Variants in SSH2 observed in about 807,000 individuals in gnomAD.
SSH2 encodes slingshot protein phosphatase 2.
SSH2 carries 37 observed loss-of-function variants against 135.2 expected under a neutral mutation model. The observed-to-expected ratio is 0.27, with a 90% CI of 0.21 to 0.36. SSH2 has a LOEUF of 0.36. SSH2 is among the 10% of genes least tolerant of loss of function. The pLI is 1.00. For missense variants in SSH2, 1,408 were observed against 1,765.3 expected, an observed-to-expected ratio of 0.80 and a Z score of 3.63; for synonymous variants, 628 against 646.2, an observed-to-expected ratio of 0.97 and a Z score of 0.43.
intron 2 of SSH2, among the ~76,000 whole-genome samples, chr17:29,835,500 C>T (rs535982928): frequency 2.2e-4 from 33 of 152,284 alleles, no homozygotes; most frequent in African/African-American, 5.8e-4. Context: ...TCTGACACTT[C>T]GTAGTCAGGT....
intron 3 of SSH2, among the ~76,000 whole-genome samples, chr17:29,734,891 T>C (rs1276740881): frequency 6.6e-6 from 1 of 152,170 alleles, no homozygotes; most frequent in African/African-American, 2.4e-5. Flanking sequence ...TTCTTTCAGC[T>C]TGGGGAAATC....
At chr17:29,861,623 G>A (rs1336554219) in intron 1 of SSH2, among the ~76,000 whole-genome samples, 1 of 151,958 alleles carries the variant, frequency 6.6e-6, no homozygotes, top group African/African-American at 2.4e-5. Context: ...GAGTGCAGTG[G>A]TGCGATCTCG....
intron 1 of SSH2, among the ~76,000 whole-genome samples, chr17:29,900,050 A>C (rs1045416414): frequency 9.8e-5 from 15 of 152,326 alleles, no homozygotes; most frequent in African/African-American, 2.4e-4. Flanking sequence ...CCTATTTAAT[A>C]AATGGTGCTG....
At chr17:29,924,911 A>G (rs2067038107) in intron 1 of SSH2, among the ~76,000 whole-genome samples, 1 of 152,274 alleles carries the variant, frequency 6.6e-6, no homozygotes, top group East Asian at 1.9e-4. Context: ...CTCCAAAGAG[A>G]GTGTGAGTTC....
At chr17:29,853,231 T>C (rs2065598265) in intron 1 of SSH2, among the ~76,000 whole-genome samples, 1 of 151,364 alleles carries the variant, frequency 6.6e-6, no homozygotes, top group Non-Finnish European at 1.5e-5. Context: ...GGACTACAGG[T>C]GCACACCACA....
chr17:29,873,334 A>G (rs1357911153), intron 1 of SSH2, among the ~76,000 whole-genome samples: 1 of 151,996 alleles, frequency 6.6e-6, no homozygotes, highest in Non-Finnish European at 1.5e-5. Context: ...CTGAGGCAGT[A>G]GATCACCTGA....
intron 11 of SSH2, among the ~76,000 whole-genome samples, chr17:29,658,537 A>G (rs763255138): frequency 6.6e-6 from 1 of 152,094 alleles, no homozygotes; most frequent in African/African-American, 2.4e-5. Flanking sequence ...TGGGCATACA[A>G]AACTTTTATG....
At chr17:29,675,219 A>G (rs950326302) in intron 8 of SSH2, among the ~76,000 whole-genome samples, 1 of 152,202 alleles carries the variant, frequency 6.6e-6, no homozygotes, top group African/African-American at 2.4e-5. Context: ...ACTGCAGGAA[A>G]TGATAAGACT....
chr17:29,749,099 A>C (rs1055640087), intron 3 of SSH2, among the ~76,000 whole-genome samples: 1 of 152,194 alleles, frequency 6.6e-6, no homozygotes, highest in African/African-American at 2.4e-5. Flanking sequence ...GTAAATTAGC[A>C]ATAGTAAGAA....
chr17:29,883,208 G>A (rs963050287), intron 1 of SSH2: 1 of 152,012 alleles, frequency 6.6e-6, no homozygotes, highest in Non-Finnish European at 1.5e-5. Flanking sequence ...ATTAAAAACT[G>A]GTATTAATTT....
intron 3 of SSH2, among the ~76,000 whole-genome samples, chr17:29,757,969 C>T (rs2041183594): frequency 6.6e-6 from 1 of 151,850 alleles, no homozygotes; most frequent in Admixed American, 6.6e-5. Context: ...CTGCTTGAGC[C>T]CAGGAGATCG....
chr17:29,789,504 A>G (rs1371400129), intron 3 of SSH2, among the ~76,000 whole-genome samples: 1 of 152,242 alleles, frequency 6.6e-6, no homozygotes, highest in African/African-American at 2.4e-5. Flanking sequence ...TCCTTCAAGA[A>G]AGGGGAAGAA....
chr17:29,740,435 A>C (rs1253299431), intron 3 of SSH2, among the ~76,000 whole-genome samples: 3 of 136,028 alleles, frequency 2.2e-5, no homozygotes, highest in Non-Finnish European at 4.6e-5. Flanking sequence ...TTTTTCTTTT[A>C]TTTTATTACC....
intron 3 of SSH2, among the ~76,000 whole-genome samples, chr17:29,767,931 A>C (rs565350230): frequency 6.6e-6 from 1 of 152,316 alleles, no homozygotes; most frequent in Non-Finnish European, 1.5e-5. Context: ...ATACATGTGA[A>C]TATACTTGTT....
At chr17:29,638,757 T>C (rs1312128380) in intron 14 of SSH2, among the ~76,000 whole-genome samples, 1 of 152,072 alleles carries the variant, frequency 6.6e-6, no homozygotes, top group Non-Finnish European at 1.5e-5. Context: ...GGTCTCACTA[T>C]GTTGCCCAGG....
chr17:29,642,889 A>T (rs1022928681), intron 14 of SSH2, among the ~76,000 whole-genome samples: 3 of 152,218 alleles, frequency 2.0e-5, no homozygotes, highest in Non-Finnish European at 4.4e-5. Context: ...GCCCTCAAAC[A>T]GAGAGCTGCC....
At chr17:29,689,954 C>T (rs1359051235) in intron 5 of SSH2, among the ~76,000 whole-genome samples, 3 of 122,368 alleles carry the variant, frequency 2.5e-5, no homozygotes, top group Non-Finnish European at 4.7e-5. Context: ...GCAGAGGCTG[C>T]AATAAGCCGA....
intron 1 of SSH2, among the ~76,000 whole-genome samples, chr17:29,852,694 G>A (rs2065585589): frequency 6.6e-6 from 1 of 151,776 alleles, no homozygotes; most frequent in African/African-American, 2.4e-5. Context: ...TGGGACTACA[G>A]GCGCGTGCCA....
Position 29,630,087 on chromosome 17 carries a change from G to GC in SSH2, c.*753dup. ...ATCCCACCAACCCAGCAGTTTCTGGGCAGCAGCCTCTCCACCCCCAACTTT... is the reference window on the plus strand; with the variant it reads ...ATCCCACCAACCCAGCAGTTTCTGGGCCAGCAGCCTCTCCACCCCCAACTTT... On this transcript the variant is annotated 3_prime_UTR_variant, in exon 16 of 16. Transcript: ENST00000540801. 6.6e-6 allele frequency: 1 copy of GC among 152,190 alleles called. No individual in the cohort carries two copies. The highest frequency in any genetic ancestry group is 2.1e-4 in the South Asian group (1 of 4,814). 9.4% of individuals were successfully genotyped at this position (152,190 alleles called of 1,614,324 possible). A position where few individuals can be genotyped will look rare whatever the true frequency, so the allele number is the denominator to read the frequency against.
Sources: allele counts gnomAD v4.1 joint callset (sites outside exome capture counted in the v4.1 genomes callset), GRCh38; gene constraint gnomAD v4.1.1; transcripts MANE v1.5; gene names NCBI Gene and HGNC (gene_info 2026-07-23, HGNC 2026-07-21).